NPY2R: variants seen among roughly 807,000 people sequenced by gnomAD.
NPY2R encodes neuropeptide Y receptor type 2.
A neutral mutation model predicts 22.3 loss-of-function variants in NPY2R; 17 were observed. That is an observed-to-expected ratio of 0.76 (90% CI 0.52 to 1.14). The LOEUF (loss-of-function observed/expected upper bound fraction) is 1.14, where lower values mean the gene tolerates loss of function less well. Ranked by LOEUF, NPY2R falls within the 50% of genes most tolerant of loss-of-function variation. The probability of loss-of-function intolerance (pLI) is 0.00; values close to 1 mark genes in which losing one functional copy is unlikely to be tolerated. For missense variants in NPY2R, 424 were observed against 467.9 expected (o/e 0.91, Z 0.87); for synonymous variants, 209 against 183.4 (o/e 1.14, Z -1.13).
the NPY2R span, chr4:155,173,943 T>C: frequency 6.6e-6 from 1 of 152,070 alleles, no homozygotes; most frequent in Non-Finnish European, 1.5e-5. Flanking sequence ...CTCCAGTGCT[T>C]ATGTACTTTA....
chr4:155,210,986 T>C (rs1578899394), intron 1 of NPY2R, among the ~76,000 whole-genome samples: 1 of 152,318 alleles, frequency 6.6e-6, no homozygotes, highest in Middle Eastern at 3.4e-3. Flanking sequence ...ACAATTTTTT[T>C]TTTGTATAAG....
At chr4:155,188,938 T>C in the NPY2R span, among the ~76,000 whole-genome samples, 2 of 152,144 alleles carry the variant, frequency 1.3e-5, no homozygotes, top group East Asian at 1.9e-4. Context: ...GGTAGTGTTT[T>C]ACTTAGTAAT....
rs1178652891 is a variant in NPY2R, at chr4:155,216,658, T to C, written c.*1573T>C. On this transcript the variant is annotated 3_prime_UTR_variant, in exon 2 of 2. Coordinates refer to ENST00000329476, the MANE Select transcript of NPY2R (RefSeq NM_000910.4). Reference sequence around the variant, plus strand: ...CATGATAGATATAAAGGACTGGTTTTTAAGTGCACTGCACTTCTGGAATAC... The same window carrying C: ...CATGATAGATATAAAGGACTGGTTTCTAAGTGCACTGCACTTCTGGAATAC... 1 of 167,056 alleles carries C rather than the reference T, an allele frequency of 6.0e-6. No homozygotes were observed. Among genetic ancestry groups the C allele is most frequent in the African/African-American group, 2.4e-5 (1 of 41,464 alleles). The allele number at this position is 167,056 out of a possible 1,614,324, so 10.3% of individuals were successfully genotyped here.
In NPY2R at chr4:155,215,134, A is replaced by G. The variant is rs199521122; in HGVS notation, c.*49A>G. The G allele has an allele frequency of 2.6e-6, 4 of 1,517,082 alleles. No individual in the cohort carries two copies. Among genetic ancestry groups the G allele is most frequent in the Non-Finnish European group, 3.7e-6 (4 of 1,092,624 alleles). 94.0% of individuals were successfully genotyped at this position (1,517,082 alleles called of 1,614,324 possible). A position where few individuals can be genotyped will look rare whatever the true frequency, so the allele number is the denominator to read the frequency against. On this transcript the variant is annotated 3_prime_UTR_variant, in exon 2 of 2. Coordinates refer to ENST00000329476, the MANE Select transcript of NPY2R (RefSeq NM_000910.4). ...TGGATGAATTCTGACCAGAGCTATGAATCTGGTTGATGGCGGCTCACAAGT... is the reference window on the plus strand; with the variant it reads ...TGGATGAATTCTGACCAGAGCTATGGATCTGGTTGATGGCGGCTCACAAGT...
the NPY2R span, among the ~76,000 whole-genome samples, chr4:155,202,222 G>T: frequency 6.6e-6 from 1 of 152,136 alleles, no homozygotes; most frequent in East Asian, 1.9e-4. Flanking sequence ...GGTTTACAAA[G>T]GGTTGGGGTA....
chr4:155,191,598 G>C, the NPY2R span, among the ~76,000 whole-genome samples: 1 of 151,826 alleles, frequency 6.6e-6, no homozygotes, highest in Admixed American at 6.6e-5. Context: ...AAATTTATTA[G>C]AGGTAGATAC....
At chr4:155,174,306 T>C in the NPY2R span, 1 of 151,652 alleles carries the variant, frequency 6.6e-6, no homozygotes. Flanking sequence ...GGTATCTAAA[T>C]GTTGTCTCAT....
Position 155,214,964 on chromosome 4 carries a change from G to C in NPY2R, c.1025G>C (p.Cys342Ser). 6.2e-7 allele frequency: 1 copy of C among 1,614,242 alleles called. No individual in the cohort carries two copies. The highest frequency in any genetic ancestry group is 8.5e-7 in the Non-Finnish European group (1 of 1,180,050). ...YRKAFLSAFR[C>S]EQRLDAIHSE... ...AAGGCTTTCCTCTCGGCCTTCCGCT[G>C]TGAGCAGCGGTTGGATGCCATTCAC... Residue 342 changes from cysteine to serine, a missense_variant, in exon 2 of 2, where the codon TGT becomes TCT. Physicochemically the swap from Cys to Ser is moderately radical, Grantham distance 112. Transcript: ENST00000329476.
Position 155,216,943 on chromosome 4 carries a change from T to C in NPY2R, c.*1858T>C, listed in dbSNP as rs1209544620. Reference sequence around the variant, plus strand: ...ATGTATATGCTACTGTGTTACATGTTGTATTAGTAAATTATTAGAATCCAA... The same window carrying C: ...ATGTATATGCTACTGTGTTACATGTCGTATTAGTAAATTATTAGAATCCAA... On this transcript the variant is annotated 3_prime_UTR_variant, in exon 2 of 2. Transcript: ENST00000329476. 1.8e-5 allele frequency: 3 copies of C among 167,082 alleles called. No individual in the cohort carries two copies. Among genetic ancestry groups the C allele is most frequent in the Non-Finnish European group, 2.9e-5 (2 of 68,118 alleles). 10.3% of individuals were successfully genotyped at this position (167,082 alleles called of 1,614,324 possible).
At chr4:155,205,282 T>C (rs1259728698), upstream of NPY2R, among the ~76,000 whole-genome samples, 1 of 152,238 alleles carries the variant, frequency 6.6e-6, no homozygotes, top group Non-Finnish European at 1.5e-5. Flanking sequence ...TTGTTTTAGA[T>C]AATGCCTATT....
chr4:155,181,980 A>G, the NPY2R span, among the ~76,000 whole-genome samples: 1 of 152,162 alleles, frequency 6.6e-6, no homozygotes, highest in Non-Finnish European at 1.5e-5. Context: ...AAGGAATCCA[A>G]AAAAATACAA....
the NPY2R span, among the ~76,000 whole-genome samples, chr4:155,183,142 T>C: frequency 6.6e-6 from 1 of 152,156 alleles, no homozygotes; most frequent in Non-Finnish European, 1.5e-5. Flanking sequence ...CGGGTATTCC[T>C]CGGAGCACTC....
chr4:155,190,924 A>G, the NPY2R span, among the ~76,000 whole-genome samples: 1 of 151,942 alleles, frequency 6.6e-6, no homozygotes, highest in African/African-American at 2.4e-5. Flanking sequence ...GTTTCTCACT[A>G]TATGTTTCCA....
At chr4:155,205,985 A>T (rs927698238), upstream of NPY2R, among the ~76,000 whole-genome samples, 1 of 152,186 alleles carries the variant, frequency 6.6e-6, no homozygotes, top group Non-Finnish European at 1.5e-5. Context: ...ATCTGACAAT[A>T]CTGAATCAAG....
the NPY2R span, among the ~76,000 whole-genome samples, chr4:155,182,967 A>G: frequency 1.3e-5 from 2 of 152,042 alleles, no homozygotes; most frequent in South Asian, 4.2e-4. Flanking sequence ...TAATTTTTGC[A>G]TTTTTGGTAG....
At position 155,214,511 on chromosome 4, in the gene NPY2R, T is replaced by C. The variant is rs777865680; in HGVS notation, c.572T>C (p.Leu191Pro). 6.2e-7 allele frequency: 1 copy of C among 1,614,182 alleles called. No individual in the cohort carries two copies. The highest frequency in any genetic ancestry group is 8.5e-7 in the Non-Finnish European group (1 of 1,180,008). Residue 191 changes from leucine (L) to proline (P), a missense_variant, in exon 2 of 2, where the codon CTG becomes CCG. Coordinates refer to ENST00000329476, the MANE Select transcript of NPY2R (RefSeq NM_000910.4). ...CTGGCCATCTTCCGGGAGTATTCGC[T>C]GATTGAGATCATCCCGGACTTTGAG... is the stretch of plus-strand genomic sequence containing the variant. ...SPLAIFREYS[L>P]IEIIPDFEIV...
upstream of NPY2R, chr4:155,207,937 A>C (rs1412375246): frequency 1.3e-5 from 2 of 152,388 alleles, no homozygotes; most frequent in East Asian, 3.9e-4. Context: ...ATCGAGTCTG[A>C]ATCTGCACTA....
At chr4:155,181,962 C>G in the NPY2R span, among the ~76,000 whole-genome samples, 1 of 151,986 alleles carries the variant, frequency 6.6e-6, no homozygotes. Flanking sequence ...GATGGAATGT[C>G]CCAGTGGAAG....
the NPY2R span, among the ~76,000 whole-genome samples, chr4:155,177,571 G>C: frequency 6.6e-6 from 1 of 152,124 alleles, no homozygotes; most frequent in Non-Finnish European, 1.5e-5. Flanking sequence ...CATGCTGGTG[G>C]CTCAATAGTT....
Sources: gnomAD v4.1 joint callset for allele counts (sites outside exome capture counted in the v4.1 genomes callset) on GRCh38, gnomAD v4.1.1 for gene constraint, MANE v1.5 for transcripts, NCBI Gene and HGNC (gene_info 2026-07-23, HGNC 2026-07-21) for gene names.